Variants in ERC1 observed in about 807,000 individuals in gnomAD.
ERC1 encodes RAB6 interacting protein 2.
A neutral mutation model predicts 132.0 loss-of-function variants in ERC1; 56 were observed. The ratio of observed to expected loss-of-function variants is 0.42; its 90% CI spans 0.34 to 0.53. ERC1 has a LOEUF of 0.53. ERC1 is among the 20% of genes least tolerant of loss of function. The pLI is 0.03. For missense variants in ERC1, 1,202 were observed against 1,349.9 expected (o/e 0.89, Z 1.72); for synonymous variants, 478 against 476.1 (o/e 1.00, Z -0.05).
intron 8 of ERC1, among the ~76,000 whole-genome samples, chr12:1,165,197 C>T (rs1364426628): frequency 1.3e-5 from 2 of 152,126 alleles, no homozygotes; most frequent in Non-Finnish European, 2.9e-5. Context: ...GCACGACTGT[C>T]TAGATGGAAA....
chr12:1,203,309 C>T (rs1482112171), intron 12 of ERC1, among the ~76,000 whole-genome samples: 7 of 152,162 alleles, frequency 4.6e-5, no homozygotes, highest in Admixed American at 3.9e-4. Context: ...CTGCTTGCCT[C>T]GGCCTCCCAA....
At chr12:1,204,223 T>A (rs1319114761) in intron 12 of ERC1, 1 of 338,002 alleles carries the variant, frequency 3.0e-6, no homozygotes, top group Non-Finnish European at 5.4e-6. Flanking sequence ...TTGTTTTTTT[T>A]TTCCTGCCCC....
At chr12:1,033,636 G>A (rs951694705) in intron 2 of ERC1, among the ~76,000 whole-genome samples, 11 of 151,112 alleles carry the variant, frequency 7.3e-5, no homozygotes, top group African/African-American at 2.7e-4. Flanking sequence ...GCTAATTTTT[G>A]TATTTTTTTT....
rs186763317 is a variant in ERC1 at position 999,149 on chromosome 12, C to T, written c.-157+7827C>T. On this transcript the variant is annotated intron_variant, in intron 1 of 18. Coordinates refer to ENST00000360905, the MANE Select transcript of ERC1 (RefSeq NM_178040.4). ...TGTTGGGATTATAGGCGTGAGCCAC[C>T]GTGCCTGGCCTCTCAGTCACCTTTT... is the stretch of plus-strand genomic sequence containing the variant. 2.8e-4 allele frequency among the ~76,000 whole-genome samples: 42 copies of T among 152,204 alleles called. No individual in the cohort carries two copies. In the East Asian group the frequency reaches 7.3e-3, roughly 27 times the overall value.
intron 15 of ERC1, among the ~76,000 whole-genome samples, chr12:1,366,509 TAAGTGAAAACAC>T (rs2086674785): frequency 6.6e-6 from 1 of 152,132 alleles, no homozygotes; most frequent in South Asian, 2.1e-4. Flanking sequence ...AACATAAACC[TAAGTGAAAACAC>T]ATAGCAGCTC....
intron 2 of ERC1, among the ~76,000 whole-genome samples, chr12:1,060,805 A>T (rs1357453388): frequency 6.6e-6 from 1 of 150,578 alleles, no homozygotes; most frequent in South Asian, 2.1e-4. Context: ...GGCTCACTGC[A>T]AGCTCTGCCT....
chr12:1,339,151 A>G (rs561513629), intron 15 of ERC1, among the ~76,000 whole-genome samples: 32 of 149,782 alleles, frequency 2.1e-4, no homozygotes, highest in African/African-American at 7.6e-4. Flanking sequence ...GCTCAGCTGG[A>G]CGACTGTGAC....
At chr12:1,282,475 TATAAA>T (rs955861372) in intron 14 of ERC1, among the ~76,000 whole-genome samples, 1 of 152,188 alleles carries the variant, frequency 6.6e-6, no homozygotes, top group Admixed American at 6.5e-5. Context: ...ATTCCATAGT[TATAAA>T]ATACTGTACT....
intron 1 of ERC1, among the ~76,000 whole-genome samples, chr12:1,012,442 A>G (rs1184350667): frequency 6.8e-6 from 1 of 146,776 alleles, no homozygotes; most frequent in Non-Finnish European, 1.5e-5. Flanking sequence ...AAATGTCTGT[A>G]TTTACCAACA....
At chr12:1,281,803 A>G (rs2078696216) in intron 14 of ERC1, among the ~76,000 whole-genome samples, 1 of 152,174 alleles carries the variant, frequency 6.6e-6, no homozygotes, top group African/African-American at 2.4e-5. Flanking sequence ...TTTAGTTTTG[A>G]TGCTGTGCTG....
At position 1,007,540 on chromosome 12, in the gene ERC1, C is replaced by CTCTCTCTCTGTGTGTGTG. The variant is rs1555194875; in HGVS notation, c.-157+16219_-157+16220insCTCTCTCTGTGTGTGTGT. Among the ~76,000 whole-genome samples the CTCTCTCTCTGTGTGTGTG allele has an allele frequency of 4.1e-3, 498 of 122,738 alleles. 8 individuals carry two copies. The highest frequency in any genetic ancestry group is 0.016 in the African/African-American group (423 of 26,488). 80.5% of individuals were successfully genotyped at this position (122,738 alleles called of 152,430 possible). ...ATTCTCTCTCTCTCTCTCTCTCTCT[C>CTCTCTCTCTGTGTGTGTG]TGTGTGTGTGTGTGTGTGTGTGTGT... On this transcript the variant is annotated intron_variant, in intron 1 of 18. Coordinates refer to ENST00000360905, the MANE Select transcript of ERC1 (RefSeq NM_178040.4).
intron 2 of ERC1, among the ~76,000 whole-genome samples, chr12:1,045,555 A>G (rs1970956745): frequency 6.6e-6 from 1 of 152,108 alleles, no homozygotes; most frequent in Non-Finnish European, 1.5e-5. Context: ...AATCCTTACT[A>G]ACAGTTCTGT....
intron 6 of ERC1, among the ~76,000 whole-genome samples, chr12:1,113,560 A>T (rs905126878): frequency 1.3e-5 from 2 of 152,206 alleles, no homozygotes; most frequent in Non-Finnish European, 2.9e-5. Flanking sequence ...ACAGCATTTA[A>T]AAAACCAAAC....
intron 17 of ERC1, among the ~76,000 whole-genome samples, chr12:1,428,428 G>C (rs7960626): frequency 9.1e-4 from 138 of 152,198 alleles, no homozygotes; most frequent in Non-Finnish European, 1.4e-3. Context: ...TCCTATAATT[G>C]GGTTCCGTTC....
In ERC1 at chr12:1,402,614, A is replaced by AACACCACACAC. The variant is rs762354470; in HGVS notation, c.2926-5531_2926-5530insCACACACACAC. Among the ~76,000 whole-genome samples, 29 of 144,896 alleles carry AACACCACACAC rather than the reference A, an allele frequency of 2.0e-4. 1 individual carries two copies. Among genetic ancestry groups the AACACCACACAC allele is most frequent in the African/African-American group, 6.7e-4 (26 of 39,064 alleles). On this transcript the variant is annotated intron_variant, in intron 16 of 18. Coordinates refer to ENST00000360905, the MANE Select transcript of ERC1 (RefSeq NM_178040.4). The stretch of plus-strand genomic sequence containing the variant: ...GAAAAAGAATATCTGTGTAACCCCC[A>AACACCACACAC]ACACACACACACACACACACACACA...
rs968372542 is a variant in ERC1 at position 1,491,698 on chromosome 12, G to T, written c.*1468G>T. On this transcript the variant is annotated 3_prime_UTR_variant, in exon 19 of 19. Transcript: ENST00000360905. ...AGGGGCTCTGAGTATCTACTTGTGG[G>T]TGGCCATTTCCTGACATCTGCATGT... The T allele has an allele frequency of 9.1e-5, 21 of 230,632 alleles. No individual in the cohort carries two copies. Among genetic ancestry groups the T allele is most frequent in the Non-Finnish European group, 2.6e-5 (3 of 116,536 alleles). 14.3% of individuals were successfully genotyped at this position (230,632 alleles called of 1,614,324 possible).
chr12:1,035,598 T>C (rs767642154), intron 2 of ERC1, among the ~76,000 whole-genome samples: 19 of 152,154 alleles, frequency 1.2e-4, no homozygotes, highest in Non-Finnish European at 2.4e-4. Flanking sequence ...AAAATCTAGC[T>C]GTGAGCTTGG....
In ERC1 at chr12:991,246, G is replaced by A. The variant is rs1366442126; in HGVS notation, c.-233G>A. 6.1e-6 allele frequency: 1 copy of A among 163,110 alleles called. No homozygotes were observed. 10.1% of individuals were successfully genotyped at this position (163,110 alleles called of 1,614,324 possible). A position where few individuals can be genotyped will look rare whatever the true frequency, so the allele number is the denominator to read the frequency against. ...TCGCGGGCGCCTGGGCCGTGCTGTG[G>A]CGGCGGCGGCGGCGGTAGTGGCGGC... On this transcript the variant is annotated 5_prime_UTR_variant, in exon 1 of 19. Transcript: ENST00000360905.
intron 1 of ERC1, among the ~76,000 whole-genome samples, chr12:1,004,401 C>CTTTTTTTTTTTTTTT (rs71055118): frequency 1.9e-4 from 18 of 95,022 alleles, no homozygotes; most frequent in East Asian, 1.4e-3. Flanking sequence ...TTTTCTTTCT[C>CTTTTTTTTTTTTTTT]TTTTTTTTTT....
Sources: gnomAD v4.1 joint callset for allele counts (sites outside exome capture counted in the v4.1 genomes callset) on GRCh38, gnomAD v4.1.1 for gene constraint, MANE v1.5 for transcripts, NCBI Gene and HGNC (gene_info 2026-07-23, HGNC 2026-07-21) for gene names.